Variants in CHN1 observed in about 807,000 individuals in gnomAD.
CHN1 encodes the protein chimerin 1, also known as N-chimaerin.
A neutral mutation model predicts 59.5 loss-of-function variants in CHN1; 37 were observed. The ratio of observed to expected loss-of-function variants is 0.62; its 90% CI spans 0.48 to 0.82. The LOEUF (loss-of-function observed/expected upper bound fraction) is 0.82, where lower values mean the gene tolerates loss of function less well. Ranked by LOEUF, CHN1 falls within the 40% of genes least tolerant of loss-of-function variation. The pLI, the probability that CHN1 is intolerant of heterozygous loss-of-function variation, is 0.00. For missense variants in CHN1, 469 were observed against 571.0 expected (o/e 0.82, Z 1.82); for synonymous variants, 206 against 200.4 (o/e 1.03, Z -0.24).
intron 1 of CHN1, among the ~76,000 whole-genome samples, chr2:174,955,876 T>C (rs183184805): frequency 3.3e-5 from 5 of 152,202 alleles, no homozygotes; most frequent in Admixed American, 6.5e-5. Context: ...TGACACAATG[T>C]CTATTGTGGA....
At chr2:174,820,560 G>A (rs1220143451) in intron 8 of CHN1, among the ~76,000 whole-genome samples, 5 of 152,222 alleles carry the variant, frequency 3.3e-5, no homozygotes, top group African/African-American at 1.2e-4. Context: ...GGAGGCTAGA[G>A]GAAGGGTGAC....
At chr2:174,923,893 TAA>T (rs1689087903) in intron 3 of CHN1, among the ~76,000 whole-genome samples, 1 of 152,210 alleles carries the variant, frequency 6.6e-6, no homozygotes, top group African/African-American at 2.4e-5. Flanking sequence ...CACTGATAAT[TAA>T]GAGTATTTTT....
Position 174,910,501 on chromosome 2 carries a change from T to C in CHN1, c.260+4557A>G, listed in dbSNP as rs943110141. On this transcript the variant is annotated intron_variant, in intron 5 of 12. Coordinates refer to ENST00000409900, the MANE Select transcript of CHN1 (RefSeq NM_001822.7). Reference sequence around the variant, plus strand: ...ATAGTAAGATCCTAATTTTAGGCTATAGTTCACCTATTTGCATTATTTTTG... The same window carrying C: ...ATAGTAAGATCCTAATTTTAGGCTACAGTTCACCTATTTGCATTATTTTTG... 5.3e-5 allele frequency among the ~76,000 whole-genome samples: 8 copies of C among 152,280 alleles called. No individual in the cohort carries two copies. In the South Asian group the frequency reaches 1.2e-3, roughly 24 times the overall value.
At position 174,914,829 on chromosome 2, in the gene CHN1, G is replaced by A. The variant is rs2105369974; in HGVS notation, c.260+229C>T. On this transcript the variant is annotated intron_variant, in intron 5 of 12. Coordinates refer to ENST00000409900, the MANE Select transcript of CHN1 (RefSeq NM_001822.7). ...CACTGCACTCCAGCCTGGCAACACA[G>A]TGAGATTCCATTCAAAAAAAAAAAA... Among the ~76,000 whole-genome samples the A allele has an allele frequency of 2.9e-5, 4 of 136,286 alleles. No individual in the cohort carries two copies. The Middle Eastern group carries it at 0.013, about 437-fold the overall frequency. 89.4% of individuals were successfully genotyped at this position (136,286 alleles called of 152,430 possible).
At chr2:174,965,603 A>G (rs1690567565) in intron 1 of CHN1, among the ~76,000 whole-genome samples, 1 of 152,198 alleles carries the variant, frequency 6.6e-6, no homozygotes, top group Admixed American at 6.5e-5. Flanking sequence ...TTAGTTTCAG[A>G]TTGCCTTTGG....
chr2:174,854,110 A>G (rs1396684780), intron 6 of CHN1, among the ~76,000 whole-genome samples: 2 of 152,208 alleles, frequency 1.3e-5, no homozygotes, highest in Admixed American at 1.3e-4. Flanking sequence ...ACTTCAAAAA[A>G]TATGATCAAA....
At position 174,878,152 on chromosome 2, in the gene CHN1, T is replaced by A. The variant is rs143010951; in HGVS notation, c.261-24A>T. 11,140 of 1,515,288 alleles carry A rather than the reference T, an allele frequency of 7.4e-3. 45 individuals carry two copies. The highest frequency in any genetic ancestry group is 0.026 in the Middle Eastern group (145 of 5,620). The allele number at this position is 1,515,288 out of a possible 1,614,324, so 93.9% of individuals were successfully genotyped here. A position where few individuals can be genotyped will look rare whatever the true frequency, so the allele number is the denominator to read the frequency against. On this transcript the variant is annotated intron_variant, in intron 5 of 12. Coordinates refer to ENST00000409900, the MANE Select transcript of CHN1 (RefSeq NM_001822.7). Reference sequence around the variant, plus strand: ...ATCTGCCTCAATGAAATGGGAAAGATGTTTTTAAGAAAAGTAAGCAACTGA... The same window carrying A: ...ATCTGCCTCAATGAAATGGGAAAGAAGTTTTTAAGAAAAGTAAGCAACTGA...
chr2:174,936,252 G>GT (rs1423881885), intron 3 of CHN1, among the ~76,000 whole-genome samples: 2 of 152,116 alleles, frequency 1.3e-5, no homozygotes, highest in Non-Finnish European at 2.9e-5. Flanking sequence ...GGCTTTATAT[G>GT]TTTAAAAAAA....
intron 6 of CHN1, among the ~76,000 whole-genome samples, chr2:174,862,804 T>C (rs1202815375): frequency 5.3e-5 from 8 of 152,150 alleles, no homozygotes. Context: ...ATGAAAGGTA[T>C]TTCTGGGTTC....
intron 6 of CHN1, among the ~76,000 whole-genome samples, chr2:174,859,654 A>G (rs761832650): frequency 6.6e-6 from 1 of 152,180 alleles, no homozygotes; most frequent in Non-Finnish European, 1.5e-5. Flanking sequence ...TCAAAAGGCA[A>G]ATTCACTGAT....
intron 5 of CHN1, among the ~76,000 whole-genome samples, chr2:174,881,181 A>G (rs1358584593): frequency 1.3e-5 from 2 of 152,182 alleles, no homozygotes; most frequent in African/African-American, 2.4e-5. Flanking sequence ...CCCTCATACC[A>G]TAAAACCAAG....
At chr2:174,926,596 T>C (rs989419514) in intron 3 of CHN1, among the ~76,000 whole-genome samples, 11 of 152,086 alleles carry the variant, frequency 7.2e-5, no homozygotes, top group African/African-American at 2.4e-4. Context: ...CTGAGACAAA[T>C]GCATATCTGA....
At chr2:174,902,806 A>G (rs114399761) in intron 5 of CHN1, among the ~76,000 whole-genome samples, 3 of 152,320 alleles carry the variant, frequency 2.0e-5, no homozygotes, top group Non-Finnish European at 4.4e-5. Flanking sequence ...ACCAATTTTC[A>G]TATTTTAAAA....
chr2:174,950,786 T>C (rs1376347929), intron 2 of CHN1, among the ~76,000 whole-genome samples: 1 of 150,280 alleles, frequency 6.7e-6, no homozygotes, highest in East Asian at 1.9e-4. Flanking sequence ...AGTTTTTTTT[T>C]TTTTTTTTTT....
chr2:174,921,137 G>C, intron 3 of CHN1: 1 of 323,352 alleles, frequency 3.1e-6, no homozygotes, highest in Admixed American at 2.5e-5. Context: ...ACCTCCTGCT[G>C]TGCAGCCTGG....
At chr2:174,972,623 C>A (rs1029387767) in intron 1 of CHN1, among the ~76,000 whole-genome samples, 1 of 152,120 alleles carries the variant, frequency 6.6e-6, no homozygotes, top group Admixed American at 6.5e-5. Flanking sequence ...AGCATTCAGA[C>A]AATGGAAGTT....
At chr2:174,811,388 T>A (rs56694150) in intron 10 of CHN1, 123 bp downstream of exon 10, 21,124 of 592,952 alleles carry the variant, frequency 0.036, 589 homozygotes, top group African/African-American at 0.11. Context: ...CTAAGTTTTT[T>A]AATTTGGTAT....
intron 1 of CHN1, among the ~76,000 whole-genome samples, chr2:174,966,178 T>C (rs1373889053): frequency 2.0e-5 from 3 of 152,154 alleles, no homozygotes; most frequent in Admixed American, 6.5e-5. Context: ...GTCAGTTAAA[T>C]TCACCCTTAG....
chr2:174,952,343 G>GTTT (rs145037630), intron 1 of CHN1, 141 bp from the exon 2 acceptor site: 37 of 445,632 alleles, frequency 8.3e-5, no homozygotes, highest in Non-Finnish European at 1.2e-4. Context: ...GCATTCAAGG[G>GTTT]TTTTTTTTTA....
Sources: gnomAD v4.1 joint callset for allele counts (sites outside exome capture counted in the v4.1 genomes callset) on GRCh38, gnomAD v4.1.1 for gene constraint, MANE v1.5 for transcripts, NCBI Gene and HGNC (gene_info 2026-07-23, HGNC 2026-07-21) for gene names.